CENPT: variants seen among roughly 807,000 people sequenced by gnomAD.
CENPT encodes the protein centromere protein T.
A neutral mutation model predicts 59.7 loss-of-function variants in CENPT; 42 were observed. The observed-to-expected ratio is 0.70, with a 90% confidence interval of 0.55 to 0.91. The LOEUF is 0.91. Ranked by LOEUF, CENPT falls within the 40% of genes least tolerant of loss-of-function variation. The pLI, the probability that CENPT is intolerant of heterozygous loss-of-function variation, is 0.00. For missense variants in CENPT, 716 were observed against 713.4 expected (o/e 1.00, Z -0.04); for synonymous variants, 295 against 289.6 (o/e 1.02, Z -0.19).
rs533244330 is a variant in CENPT, at chr16:67,843,865, GCAGT to G, written c.-492+3532_-492+3535del. 7.9e-4 allele frequency: 178 copies of G among 224,892 alleles called. 1 individual carries two copies. The highest frequency in any genetic ancestry group is 4.1e-3 in the African/African-American group (176 of 43,072). 13.9% of individuals were successfully genotyped at this position (224,892 alleles called of 1,614,324 possible). ...GAAAACCATACCTTAAGGTTGGTCA[GCAGT>G]CAGACAACTCTAATGTGTGTAGTGA... is the stretch of plus-strand genomic sequence containing the variant. On this transcript the variant is annotated intron_variant, in intron 1 of 15. Coordinates refer to ENST00000562787, the MANE Select transcript of CENPT (RefSeq NM_025082.4). This position sits in a 1 kb window ranked among gnomAD's most constrained non-coding sequence, Gnocchi z 5.7.
chr16:67,832,415 G>A, intron 5 of CENPT, 40 bp downstream of exon 5: 1 of 1,610,418 alleles, frequency 6.2e-7, no homozygotes, highest in Non-Finnish European at 8.5e-7. Flanking sequence ...CCTCCCCGAG[G>A]CAGCCAGGGC....
At position 67,842,625 on chromosome 16, in the gene CENPT, A is replaced by G; in HGVS notation, c.-492+4776T>C. The G allele has an allele frequency of 1.3e-6, 2 of 1,552,096 alleles. No homozygotes were observed. The highest frequency in any genetic ancestry group is 1.7e-6 in the Non-Finnish European group (2 of 1,147,420). On this transcript the variant is annotated intron_variant, in intron 1 of 15. Transcript: ENST00000562787. This position sits in a 1 kb window ranked among gnomAD's most constrained non-coding sequence, Gnocchi z 4.9. Reference sequence around the variant, plus strand: ...CACCGGGACAAGGCGCTGCACTTCTACACGTTTCCAAAGGACGCTGAGTTG... The same window carrying G: ...CACCGGGACAAGGCGCTGCACTTCTGCACGTTTCCAAAGGACGCTGAGTTG...
intron 5 of CENPT, 60 bp downstream of exon 5, chr16:67,832,395 C>A (rs769473498): frequency 9.5e-5 from 152 of 1,608,004 alleles, no homozygotes; most frequent in Admixed American, 1.5e-4. Context: ...CAGAGCTAGA[C>A]CTCAACCCCC....
Position 67,842,767 on chromosome 16 carries a change from C to T in CENPT, c.-492+4634G>A. 6.2e-7 allele frequency: 1 copy of T among 1,610,632 alleles called. No individual in the cohort carries two copies. On this transcript the variant is annotated intron_variant, in intron 1 of 15. Transcript: ENST00000562787. The surrounding 1 kb of genome is among the most constrained non-coding windows in gnomAD (Gnocchi z 4.9). ...TTCACTTCCAGGGCGGCCGCAAGAC[C>T]TACACGGTACGCGTCCCCACCATCT...
Position 67,843,909 on chromosome 16 carries a change from A to G in CENPT, c.-492+3492T>C, listed in dbSNP as rs890988209. On this transcript the variant is annotated intron_variant, in intron 1 of 15. Transcript: ENST00000562787. The surrounding 1 kb of genome is among the most constrained non-coding windows in gnomAD (Gnocchi z 5.7). ...GTGTGTAGTGATAAGAGATTCAAGT[A>G]ACATCAGTTCTCCTCCTTTTCATGC... 1 of 175,934 alleles carries G rather than the reference A, an allele frequency of 5.7e-6. No homozygotes were observed. The highest frequency in any genetic ancestry group is 2.4e-5 in the African/African-American group (1 of 41,626). The allele number at this position is 175,934 out of a possible 1,614,324, so 10.9% of individuals were successfully genotyped here.
chr16:67,833,907 G>A lies in CENPT; in HGVS notation c.-48C>T. The A allele has an allele frequency of 2.4e-6, 3 of 1,227,640 alleles. No homozygotes were observed. Among genetic ancestry groups the A allele is most frequent in the Non-Finnish European group, 3.3e-6 (3 of 917,876 alleles). 76.0% of individuals were successfully genotyped at this position (1,227,640 alleles called of 1,614,324 possible). A position where few individuals can be genotyped will look rare whatever the true frequency, so the allele number is the denominator to read the frequency against. On this transcript the variant is annotated 5_prime_UTR_variant, in exon 4 of 16. Transcript: ENST00000562787. ...AACCGCCCAGCCAGCTGCAGGCTCC[G>A]CCTTCCCGCCGCCACAGTTAATGTA...
chr16:67,834,670 C>T (rs2057723972), intron 3 of CENPT, among the ~76,000 whole-genome samples: 2 of 152,144 alleles, frequency 1.3e-5, no homozygotes, highest in Non-Finnish European at 2.9e-5. Context: ...TAGGGCCTAT[C>T]TCTATCAGAA....
intron 1 of CENPT, among the ~76,000 whole-genome samples, chr16:67,840,092 G>A (rs1006613228): frequency 1.4e-4 from 22 of 152,038 alleles, no homozygotes; most frequent in Non-Finnish European, 1.2e-4. Context: ...CGAGGCGGGC[G>A]GATCACGAAG....
chr16:67,844,101 C>T (rs1446870868), intron 1 of CENPT: 4 of 167,000 alleles, frequency 2.4e-5, no homozygotes, highest in Admixed American at 6.5e-5. Flanking sequence ...TTGTTTGCTA[C>T]TGGTTACAAA....
At position 67,828,554 on chromosome 16, in the gene CENPT, A is replaced by G. The variant is rs563642592; in HGVS notation, c.1482T>C (p.Leu494=). ...EKCLDKYFQH[L]CDDLEVFAAH... is the part of the protein sequence containing the mutation. ...CAGCAAATACCTCCAGATCATCACA[A>G]AGATGCTGGAAATATTTATCTAGGC... is the stretch of plus-strand genomic sequence containing the variant. Residue 494 remains leucine, a synonymous_variant, in exon 15 of 16, where the codon CTT becomes CTC. Coordinates refer to ENST00000562787, the MANE Select transcript of CENPT (RefSeq NM_025082.4). 3.7e-6 allele frequency: 6 copies of G among 1,614,186 alleles called. No homozygotes were observed. The East Asian group carries it at 1.3e-4, about 36-fold the overall frequency.
chr16:67,839,731 G>T (rs1325854772), intron 1 of CENPT, among the ~76,000 whole-genome samples: 6 of 151,934 alleles, frequency 3.9e-5, no homozygotes, highest in African/African-American at 7.3e-5. Context: ...AAAATTAGCT[G>T]GTTGTGGTGC....
At chr16:67,844,945 C>G (rs566587789) in intron 1 of CENPT, among the ~76,000 whole-genome samples, 1 of 152,050 alleles carries the variant, frequency 6.6e-6, no homozygotes, top group Non-Finnish European at 1.5e-5. Context: ...CCCGCCACCA[C>G]GTCGGGCTGA....
intron 1 of CENPT, among the ~76,000 whole-genome samples, chr16:67,840,322 T>G (rs903886107): frequency 1.3e-5 from 2 of 150,852 alleles, no homozygotes; most frequent in African/African-American, 4.9e-5. Context: ...CGTCTCAAAA[T>G]AAAAAAAGAA....
Position 67,831,488 on chromosome 16 carries a change from G to GTA in CENPT, c.560+86_560+87dup, listed in dbSNP as rs2057688270. ...GTGAGGCTAAAACTGGTAGGAAGTA[G>GTA]TATGGGCAGATTCCATCCCAGGCAG... On this transcript the variant is annotated intron_variant, in intron 9 of 15. Coordinates refer to ENST00000562787, the MANE Select transcript of CENPT (RefSeq NM_025082.4). 13 of 1,576,648 alleles carry GTA rather than the reference G, an allele frequency of 8.2e-6. No homozygotes were observed. In the East Asian group the frequency reaches 2.9e-4, roughly 35 times the overall value.
At chr16:67,838,134 G>A (rs888690393) in intron 1 of CENPT, among the ~76,000 whole-genome samples, 1 of 152,202 alleles carries the variant, frequency 6.6e-6, no homozygotes, top group African/African-American at 2.4e-5. Context: ...AGAAGATTAA[G>A]TGTAGATGAC....
intron 1 of CENPT, chr16:67,841,575 G>C (rs1410153088): frequency 2.0e-5 from 3 of 151,548 alleles, no homozygotes; most frequent in Non-Finnish European, 4.4e-5. Flanking sequence ...TACTATTTGT[G>C]AGTAGACATC....
Position 67,829,492 on chromosome 16 carries a change from G to T in CENPT, c.1211C>A (p.Thr404Asn). The change falls in exon 13 of 16, where the codon ACC becomes AAC. Residue 404 changes from threonine (T) to asparagine (N), a missense_variant. Physicochemically the swap from Thr to Asn is moderately conservative, Grantham distance 65 (BLOSUM62 0). Coordinates refer to ENST00000562787, the MANE Select transcript of CENPT (RefSeq NM_025082.4). ...RAASPESASS[T>N]PESLQARRHH... The stretch of plus-strand genomic sequence containing the variant: ...TCGCCTGGCCTGGAGAGACTCAGGG[G>T]TGCTGGAGGCCGACTCTGGACTTGC... The T allele has an allele frequency of 3.1e-6, 5 of 1,593,362 alleles. No individual in the cohort carries two copies. Among genetic ancestry groups the T allele is most frequent in the Admixed American group, 1.9e-5 (1 of 51,938 alleles).
intron 1 of CENPT, among the ~76,000 whole-genome samples, chr16:67,839,874 CAAAT>C (rs556267170): frequency 4.8e-4 from 73 of 152,198 alleles, no homozygotes; most frequent in Admixed American, 3.9e-3. Context: ...AACTCCATCT[CAAAT>C]AAATAAATAC....
chr16:67,835,352 G>A (rs765165111), intron 2 of CENPT, 52 bp from the exon 3 acceptor site: 1 of 152,002 alleles, frequency 6.6e-6, no homozygotes, highest in Non-Finnish European at 1.5e-5. Flanking sequence ...GGGCATATTT[G>A]TGCTTGTGTT....
Sources: gnomAD v4.1 joint callset for allele counts (sites outside exome capture counted in the v4.1 genomes callset) on GRCh38, gnomAD v4.1.1 for gene constraint, Gnocchi (gnomAD v3.1) non-coding constraint, MANE v1.5 for transcripts, NCBI Gene and HGNC (gene_info 2026-07-23, HGNC 2026-07-21) for gene names.